The following RIT2 variants were observed in gnomAD, a reference collection of about 807,000 sequenced individuals.
RIT2 encodes the protein Ras like without CAAX 2.
RIT2 carries 24 observed loss-of-function variants against 23.7 expected under a neutral mutation model. The observed-to-expected ratio is 1.01, with a 90% CI of 0.73 to 1.43. The LOEUF (loss-of-function observed/expected upper bound fraction) is 1.43. Ranked by LOEUF, RIT2 falls within the 40% of genes most tolerant of loss-of-function variation. The probability of loss-of-function intolerance (pLI) is 0.00; values close to 1 mark genes in which losing one functional copy is unlikely to be tolerated. For synonymous variants in RIT2, 107 were observed against 91.1 expected (o/e 1.17, Z -0.99); for missense variants, 236 against 266.9 (o/e 0.88, Z 0.81).
At chr18:43,042,449 T>C (rs1185673670) in intron 1 of RIT2, among the ~76,000 whole-genome samples, 1 of 152,196 alleles carries the variant, frequency 6.6e-6, no homozygotes, top group Non-Finnish European at 1.5e-5. Context: ...AGTAACACCC[T>C]TTCCCAAGGA....
At chr18:42,952,351 G>A (rs1453204476) in intron 3 of RIT2, among the ~76,000 whole-genome samples, 2 of 152,078 alleles carry the variant, frequency 1.3e-5, no homozygotes, top group Admixed American at 1.3e-4. Flanking sequence ...GAAGCAGAGG[G>A]TAAAATGGTG....
intron 3 of RIT2, among the ~76,000 whole-genome samples, chr18:42,960,377 C>T (rs540977874): frequency 2.0e-5 from 3 of 152,250 alleles, no homozygotes; most frequent in East Asian, 3.9e-4. Flanking sequence ...TGCAGTGGCA[C>T]GATCTCAGCT....
At chr18:42,757,540 C>A (rs942853594) in intron 4 of RIT2, among the ~76,000 whole-genome samples, 3 of 152,192 alleles carry the variant, frequency 2.0e-5, no homozygotes, top group Non-Finnish European at 4.4e-5. Context: ...TACAAAAGTT[C>A]TAACCCTAGT....
At chr18:43,009,250 A>G (rs1296926484) in intron 2 of RIT2, among the ~76,000 whole-genome samples, 1 of 151,732 alleles carries the variant, frequency 6.6e-6, no homozygotes, top group Non-Finnish European at 1.5e-5. Context: ...TTTTTTTTAA[A>G]ATTTAAATGT....
intron 4 of RIT2, among the ~76,000 whole-genome samples, chr18:42,779,260 G>C (rs915362282): frequency 3.9e-5 from 6 of 151,958 alleles, no homozygotes; most frequent in South Asian, 2.1e-4. Flanking sequence ...CTTCAACGCA[G>C]GAATATTTTT....
intron 4 of RIT2, among the ~76,000 whole-genome samples, chr18:42,768,911 ACTC>A (rs1477577354): frequency 6.6e-6 from 1 of 152,052 alleles, no homozygotes; most frequent in East Asian, 1.9e-4. Context: ...CTATTTCTCA[ACTC>A]AATAGTTTTT....
chr18:43,055,078 G>C (rs1246925218), intron 1 of RIT2, among the ~76,000 whole-genome samples: 1 of 152,044 alleles, frequency 6.6e-6, no homozygotes, highest in Non-Finnish European at 1.5e-5. Context: ...AAAAGCTTTT[G>C]AGCTGTTCCT....
chr18:43,037,204 T>A (rs1912002826), intron 1 of RIT2, among the ~76,000 whole-genome samples: 1 of 152,192 alleles, frequency 6.6e-6, no homozygotes, highest in Non-Finnish European at 1.5e-5. Context: ...TAGGTAACGA[T>A]CAACATGTCC....
chr18:42,849,303 A>G (rs538254672), intron 4 of RIT2, among the ~76,000 whole-genome samples: 1 of 152,320 alleles, frequency 6.6e-6, no homozygotes, highest in East Asian at 1.9e-4. Flanking sequence ...AAATCTCGTC[A>G]TACATGTTGT....
At chr18:43,089,230 A>C (rs1913360535) in intron 1 of RIT2, among the ~76,000 whole-genome samples, 1 of 152,112 alleles carries the variant, frequency 6.6e-6, no homozygotes, top group South Asian at 2.1e-4. Context: ...TTACCTGATA[A>C]ACAATGTCAG....
chr18:42,896,607 T>C (rs1908337355), intron 4 of RIT2, among the ~76,000 whole-genome samples: 3 of 152,214 alleles, frequency 2.0e-5, no homozygotes, highest in Non-Finnish European at 4.4e-5. Context: ...ATGTTTTCTG[T>C]CTTATAGCTA....
intron 4 of RIT2, among the ~76,000 whole-genome samples, chr18:42,839,809 C>T (rs1258716195): frequency 6.6e-6 from 1 of 152,174 alleles, no homozygotes. Flanking sequence ...GACCCACAAC[C>T]TTCAACAACT....
chr18:42,842,857 T>C lies in RIT2; in HGVS notation c.426+80715A>G, dbSNP rs370433981. Among the ~76,000 whole-genome samples, 5 of 152,282 alleles carry C rather than the reference T, an allele frequency of 3.3e-5. No individual in the cohort carries two copies. In the East Asian group the frequency reaches 9.7e-4, roughly 29 times the overall value. ...TGACTTCAGCTGAGCCTCTTAGCCT[T>C]ATAATTTGTCAAACCTGAAATAAAA... On this transcript the variant is annotated intron_variant, in intron 4 of 4. Transcript: ENST00000326695.
At chr18:43,058,955 C>T (rs780971509) in intron 1 of RIT2, among the ~76,000 whole-genome samples, 1 of 151,992 alleles carries the variant, frequency 6.6e-6, no homozygotes, top group Non-Finnish European at 1.5e-5. Flanking sequence ...AATATTGTTC[C>T]CTGTCTCCTG....
At chr18:42,843,711 T>C (rs1190775176) in intron 4 of RIT2, among the ~76,000 whole-genome samples, 1 of 152,194 alleles carries the variant, frequency 6.6e-6, no homozygotes, top group Non-Finnish European at 1.5e-5. Flanking sequence ...TCTATAGAAC[T>C]TTGGCAAGTA....
intron 2 of RIT2, among the ~76,000 whole-genome samples, chr18:42,994,285 T>C (rs1231026771): frequency 1.3e-5 from 2 of 152,094 alleles, no homozygotes; most frequent in African/African-American, 2.4e-5. Context: ...AAGCCCAAAT[T>C]TCTTCTCCAT....
chr18:42,838,429 T>G (rs1906675902), intron 4 of RIT2, among the ~76,000 whole-genome samples: 1 of 151,890 alleles, frequency 6.6e-6, no homozygotes, highest in Admixed American at 6.5e-5. Flanking sequence ...CTAATAATAA[T>G]TATAACAATA....
At chr18:42,984,696 A>G (rs925478300) in intron 2 of RIT2, among the ~76,000 whole-genome samples, 11 of 152,230 alleles carry the variant, frequency 7.2e-5, no homozygotes, top group African/African-American at 2.4e-4. Flanking sequence ...AAGTTTAATT[A>G]AAAATATCAG....
chr18:42,966,877 C>T (rs1910236383), intron 3 of RIT2, among the ~76,000 whole-genome samples: 1 of 151,736 alleles, frequency 6.6e-6, no homozygotes, highest in Non-Finnish European at 1.5e-5. Context: ...AAGTCTTATT[C>T]TTAACTGTGC....
Sources: gnomAD v4.1 joint callset for allele counts (sites outside exome capture counted in the v4.1 genomes callset) on GRCh38, gnomAD v4.1.1 for gene constraint, MANE v1.5 for transcripts, NCBI Gene and HGNC (gene_info 2026-07-23, HGNC 2026-07-21) for gene names.